The following CDYL2 variants were observed in gnomAD, a reference collection of about 807,000 sequenced individuals.
The protein encoded by CDYL2 is chromodomain Y like 2, also known as chromodomain Y-like protein 2.
Under a neutral mutation model 49.4 loss-of-function variants are expected in CDYL2, and 23 were observed. The ratio of observed to expected loss-of-function variants is 0.47; its 90% CI spans 0.34 to 0.66. The LOEUF is 0.66. Ranked by LOEUF, CDYL2 falls within the 30% of genes least tolerant of loss-of-function variation. The pLI, the probability that CDYL2 is intolerant of heterozygous loss-of-function variation, is 0.01. For synonymous variants in CDYL2, 360 were observed against 268.8 expected (o/e 1.34, Z -3.32); for missense variants, 678 against 656.4 (o/e 1.03, Z -0.36).
At chr16:80,685,269 C>A in intron 1 of CDYL2, 140 bp from the exon 2 acceptor site, 1 of 646,036 alleles carries the variant, frequency 1.5e-6, no homozygotes. Flanking sequence ...CATTCAATGC[C>A]AGAAGCCAAC....
At chr16:80,779,075 C>T (rs920225516) in intron 1 of CDYL2, among the ~76,000 whole-genome samples, 1 of 151,784 alleles carries the variant, frequency 6.6e-6, no homozygotes, top group African/African-American at 2.4e-5. Flanking sequence ...CTTCCCCTCA[C>T]TCCAAGGAAG....
At chr16:80,770,546 C>T (rs1906871209) in intron 1 of CDYL2, among the ~76,000 whole-genome samples, 1 of 151,896 alleles carries the variant, frequency 6.6e-6, no homozygotes, top group Non-Finnish European at 1.5e-5. Context: ...TATATTTTTC[C>T]TGCCCACAAA....
chr16:80,607,664 A>T (rs1308000705), intron 6 of CDYL2, among the ~76,000 whole-genome samples: 2 of 152,256 alleles, frequency 1.3e-5, no homozygotes, highest in African/African-American at 4.8e-5. Context: ...TGTGACGAGC[A>T]GTCGGTGGAG....
At position 80,602,644 on chromosome 16, in the gene CDYL2, C is replaced by G. The variant is rs1222742404; in HGVS notation, c.*1744G>C. On this transcript the variant is annotated 3_prime_UTR_variant, in exon 7 of 7. Transcript: ENST00000570137. ...CCAGAACTCTCTCTTCTAAGCCTGC[C>G]TCACCTCCATAAGCTGTGCCCACTT... 6.6e-6 allele frequency: 1 copy of G among 152,200 alleles called. No individual in the cohort carries two copies. The highest frequency in any genetic ancestry group is 1.5e-5 in the Non-Finnish European group (1 of 68,082). The allele number at this position is 152,200 out of a possible 1,614,324, so 9.4% of individuals were successfully genotyped here.
intron 1 of CDYL2, among the ~76,000 whole-genome samples, chr16:80,688,100 T>A (rs1597175086): frequency 6.6e-6 from 1 of 152,194 alleles, no homozygotes; most frequent in African/African-American, 2.4e-5. Flanking sequence ...GATGGCTATT[T>A]GGGGCCACAT....
At position 80,645,012 on chromosome 16, in the gene CDYL2, G is replaced by A. The variant is rs564027782; in HGVS notation, c.617-11776C>T. ...TTCAAGATGGATTAAAGACTTAAACGTTAGACCTAAAACCATAAAAACCCT... is the reference window on the plus strand; with the variant it reads ...TTCAAGATGGATTAAAGACTTAAACATTAGACCTAAAACCATAAAAACCCT... On this transcript the variant is annotated intron_variant, in intron 2 of 6. Transcript: ENST00000570137. Among the ~76,000 whole-genome samples the A allele has an allele frequency of 1.4e-3, 218 of 152,154 alleles. 2 individuals are homozygous for A. The highest frequency in any genetic ancestry group is 4.8e-3 in the African/African-American group (200 of 41,534).
intron 1 of CDYL2, among the ~76,000 whole-genome samples, chr16:80,765,728 CAAA>C (rs35740729): frequency 0.021 from 1,152 of 55,150 alleles, 16 homozygotes; most frequent in African/African-American, 0.071. Flanking sequence ...GTATTAATCG[CAAA>C]AAAAAAAAAA....
chr16:80,729,554 T>A (rs1050063787), intron 1 of CDYL2, among the ~76,000 whole-genome samples: 1 of 151,514 alleles, frequency 6.6e-6, no homozygotes, highest in African/African-American at 2.4e-5. Flanking sequence ...AGACAGAAAG[T>A]CAACAAGGAT....
intron 2 of CDYL2, among the ~76,000 whole-genome samples, chr16:80,683,807 G>T (rs1910064174): frequency 6.6e-6 from 1 of 152,188 alleles, no homozygotes; most frequent in African/African-American, 2.4e-5. Context: ...GACACAGAAG[G>T]CACCAGCTAA....
intron 1 of CDYL2, among the ~76,000 whole-genome samples, chr16:80,688,497 T>C (rs750470519): frequency 2.0e-5 from 3 of 152,170 alleles, no homozygotes; most frequent in Non-Finnish European, 2.9e-5. Flanking sequence ...ACATATGAAC[T>C]TCAGTTGACA....
intron 1 of CDYL2, among the ~76,000 whole-genome samples, chr16:80,725,546 A>T (rs780871561): frequency 2.2e-4 from 33 of 152,186 alleles, no homozygotes; most frequent in Non-Finnish European, 5.9e-5. Context: ...TACAAATCTC[A>T]TCCTACAGTC....
At chr16:80,650,942 A>T (rs1908556036) in intron 2 of CDYL2, among the ~76,000 whole-genome samples, 2 of 130,152 alleles carry the variant, frequency 1.5e-5, no homozygotes, top group African/African-American at 5.7e-5. Flanking sequence ...ATAGAAATAC[A>T]GAAGAGGACA....
At chr16:80,764,602 T>C (rs999444457) in intron 1 of CDYL2, among the ~76,000 whole-genome samples, 1 of 151,874 alleles carries the variant, frequency 6.6e-6, no homozygotes, top group Non-Finnish European at 1.5e-5. Context: ...AATATAGAGG[T>C]GAAAAACATG....
intron 1 of CDYL2, among the ~76,000 whole-genome samples, chr16:80,782,342 G>C (rs1379642103): frequency 2.0e-5 from 3 of 151,768 alleles, no homozygotes; most frequent in Non-Finnish European, 4.4e-5. Flanking sequence ...GATTGAATCA[G>C]TAATCAAAAG....
At chr16:80,696,614 A>G (rs1910622662) in intron 1 of CDYL2, among the ~76,000 whole-genome samples, 1 of 152,236 alleles carries the variant, frequency 6.6e-6, no homozygotes, top group South Asian at 2.1e-4. Flanking sequence ...GACAAAATGA[A>G]TACATTCCTG....
intron 1 of CDYL2, among the ~76,000 whole-genome samples, chr16:80,710,740 T>TAC (rs775518236): frequency 5.6e-4 from 84 of 151,108 alleles, no homozygotes; most frequent in Middle Eastern, 6.8e-3. Flanking sequence ...TAATACTGCT[T>TAC]ACACACACAC....
intron 1 of CDYL2, among the ~76,000 whole-genome samples, chr16:80,745,289 T>G (rs544222449): frequency 9.5e-4 from 145 of 152,234 alleles, no homozygotes; most frequent in Admixed American, 2.2e-3. Flanking sequence ...CTCTTCTGTG[T>G]CACCTGAGCA....
chr16:80,656,752 G>C (rs543236187), intron 2 of CDYL2, among the ~76,000 whole-genome samples: 26 of 152,142 alleles, frequency 1.7e-4, no homozygotes, highest in Non-Finnish European at 2.9e-4. Context: ...GCTCACAAAC[G>C]AGATAATCAT....
chr16:80,682,152 G>C (rs1310369643), intron 2 of CDYL2, among the ~76,000 whole-genome samples: 1 of 152,180 alleles, frequency 6.6e-6, no homozygotes, highest in Non-Finnish European at 1.5e-5. Context: ...CTGAGAACCA[G>C]TGCCTTAACC....
Sources: gnomAD v4.1 joint callset for allele counts (sites outside exome capture counted in the v4.1 genomes callset) on GRCh38, gnomAD v4.1.1 for gene constraint, MANE v1.5 for transcripts, NCBI Gene and HGNC (gene_info 2026-07-23, HGNC 2026-07-21) for gene names.